Variants in SEC11A observed in about 807,000 individuals in gnomAD.
SEC11A encodes SEC11 homolog A, signal peptidase complex subunit, also known as signal peptidase complex catalytic subunit SEC11A.
A neutral mutation model predicts 25.6 loss-of-function variants in SEC11A; 14 were observed. That is an observed-to-expected ratio of 0.55 (90% CI 0.36 to 0.85). The LOEUF (loss-of-function observed/expected upper bound fraction) is 0.85. SEC11A is among the 40% of genes least tolerant of loss of function. The pLI, the probability that SEC11A is intolerant of heterozygous loss-of-function variation, is 0.01. For missense variants in SEC11A, 153 were observed against 222.9 expected (o/e 0.69, Z 2.00); for synonymous variants, 83 against 76.4 (o/e 1.09, Z -0.45).
chr15:84,711,620 C>T (rs1015094070), intron 1 of SEC11A, among the ~76,000 whole-genome samples: 2 of 151,888 alleles, frequency 1.3e-5, no homozygotes. Context: ...GAGTTCAAGA[C>T]AAGCCTGGCC....
chr15:84,701,176 A>G (rs1897929182), intron 1 of SEC11A, among the ~76,000 whole-genome samples: 1 of 151,572 alleles, frequency 6.6e-6, no homozygotes, highest in East Asian at 1.9e-4. Flanking sequence ...AAAAAAAAAA[A>G]AAAAAAGACT....
intron 1 of SEC11A, among the ~76,000 whole-genome samples, chr15:84,703,038 G>A (rs1897994204): frequency 6.6e-6 from 1 of 152,190 alleles, no homozygotes; most frequent in African/African-American, 2.4e-5. Context: ...TGGTGTGTCT[G>A]TAATGGATAG....
At chr15:84,681,461 C>T (rs1257442025) in intron 3 of SEC11A, among the ~76,000 whole-genome samples, 1 of 152,040 alleles carries the variant, frequency 6.6e-6, no homozygotes, top group East Asian at 1.9e-4. Context: ...GAAACCCTGT[C>T]TTTACTAAAA....
chr15:84,678,144 C>A (rs1367748273), intron 4 of SEC11A, among the ~76,000 whole-genome samples: 1 of 152,054 alleles, frequency 6.6e-6, no homozygotes, highest in African/African-American at 2.4e-5. Flanking sequence ...TTGCAATAAG[C>A]TGAGATTGCT....
intron 4 of SEC11A, 132 bp from the exon 5 acceptor site, chr15:84,670,914 C>T (rs956552273): frequency 4.4e-6 from 2 of 453,908 alleles, no homozygotes; most frequent in African/African-American, 4.1e-5. Context: ...ATATACTGCC[C>T]TATTTGATCC....
Position 84,704,831 on chromosome 15 carries a change from G to C in SEC11A, c.51+11194C>G, listed in dbSNP as rs1473525294. On this transcript the variant is annotated intron_variant, in intron 1 of 5. Transcript: ENST00000268220. ...GAATCTCAGGCTTGGGAGGGGTTTG[G>C]GGTAAGGTGCTTTCTTAGTTCTTTC... Among the ~76,000 whole-genome samples, 48 of 152,136 alleles carry C rather than the reference G, an allele frequency of 3.2e-4. 1 individual carries two copies. Among genetic ancestry groups the C allele is most frequent in the Admixed American group, 3.1e-3 (47 of 15,274 alleles).
At chr15:84,697,057 A>AG in intron 1 of SEC11A, among the ~76,000 whole-genome samples, 1 of 150,924 alleles carries the variant, frequency 6.6e-6, no homozygotes, top group Admixed American at 6.6e-5. Flanking sequence ...AAGAAAAAAA[A>AG]AAGTGCCAGC....
intron 1 of SEC11A, among the ~76,000 whole-genome samples, chr15:84,694,028 A>AT (rs1277599185): frequency 6.6e-6 from 1 of 151,956 alleles, no homozygotes; most frequent in Non-Finnish European, 1.5e-5. Flanking sequence ...TGTTTTTTCA[A>AT]TTTTTTCTGA....
At chr15:84,704,879 G>A (rs2141918026) in intron 1 of SEC11A, among the ~76,000 whole-genome samples, 1 of 151,924 alleles carries the variant, frequency 6.6e-6, no homozygotes, top group Admixed American at 6.6e-5. Flanking sequence ...TCCTCATCCT[G>A]GAGGATAGTA....
intron 4 of SEC11A, chr15:84,672,071 C>CA (rs1422724042): frequency 6.6e-6 from 1 of 152,568 alleles, no homozygotes; most frequent in East Asian, 1.9e-4. Flanking sequence ...GACCTTTGCA[C>CA]ACTTTAAAAC....
At chr15:84,701,992 G>T (rs185517246) in intron 1 of SEC11A, among the ~76,000 whole-genome samples, 1 of 150,260 alleles carries the variant, frequency 6.7e-6, no homozygotes, top group Non-Finnish European at 1.5e-5. Context: ...GCTTGAACCC[G>T]GGAGGCGGAG....
chr15:84,670,258 CTTTT>C (rs71132694), intron 5 of SEC11A, 189 bp from the exon 6 acceptor site: 342 of 290,622 alleles, frequency 1.2e-3, no homozygotes, highest in Non-Finnish European at 1.5e-3. Context: ...AAATAATTTT[CTTTT>C]TTTTTTTTTT....
chr15:84,680,712 CCCCCTGGCTCT>C lies in SEC11A; in HGVS notation c.421_431del (p.Arg141IlefsTer14), dbSNP rs1489233030. On this transcript the variant is annotated frameshift_variant and splice_region_variant, in exon 4 of 6. Coordinates refer to ENST00000268220, the MANE Select transcript of SEC11A (RefSeq NM_014300.4). LOFTEE classifies it high-confidence loss of function. The stretch of plus-strand genomic sequence containing the variant: ...TTTGAGATGCTCCCCTCTATACTTA[CCCCCTGGCTCT>C]CCCCACAACATCTTTTTTCTCTAGC... The C allele has an allele frequency of 1.9e-6, 3 of 1,609,428 alleles. No homozygotes were observed.
chr15:84,701,844 C>T (rs971899701), intron 1 of SEC11A, among the ~76,000 whole-genome samples: 11 of 151,930 alleles, frequency 7.2e-5, no homozygotes, highest in African/African-American at 2.2e-4. Flanking sequence ...CCAAGGTGGG[C>T]GGATCACAGG....
Position 84,669,846 on chromosome 15 carries a change from C to G in SEC11A, c.*173G>C. On this transcript the variant is annotated 3_prime_UTR_variant, in exon 6 of 6. Transcript: ENST00000268220. ...CCCCTCGAGTGCACTCTGTGGTGCA[C>G]ATGCGCCCGCCCACACAAACTCTGG... 2 of 1,196,894 alleles carry G rather than the reference C, an allele frequency of 1.7e-6. No homozygotes were observed. The highest frequency in any genetic ancestry group is 2.4e-6 in the Non-Finnish European group (2 of 847,988). 74.1% of individuals were successfully genotyped at this position (1,196,894 alleles called of 1,614,324 possible).
At chr15:84,672,911 C>A (rs1897030269) in intron 4 of SEC11A, 13 of 214,016 alleles carry the variant, frequency 6.1e-5, no homozygotes, top group South Asian at 6.0e-4. Flanking sequence ...CTCTGCCCGG[C>A]CGCGACCCTG....
chr15:84,705,518 T>G (rs1898068218), intron 1 of SEC11A, among the ~76,000 whole-genome samples: 6 of 152,040 alleles, frequency 3.9e-5, no homozygotes, highest in Admixed American at 2.6e-4. Flanking sequence ...TAGGAATGGG[T>G]GTGACTCCTC....
At chr15:84,681,904 C>A (rs1394255686) in intron 3 of SEC11A, among the ~76,000 whole-genome samples, 1 of 151,918 alleles carries the variant, frequency 6.6e-6, no homozygotes, top group African/African-American at 2.4e-5. Flanking sequence ...CATGGCAAAG[C>A]AAAAAATACA....
chr15:84,687,608 C>G lies in SEC11A; in HGVS notation c.311+17G>C, dbSNP rs759909390. ...ACAAAAGCACTTAGAAACAAAGATGCTATACTTTGCACATACTTTTCATGA... is the reference window on the plus strand; with the variant it reads ...ACAAAAGCACTTAGAAACAAAGATGGTATACTTTGCACATACTTTTCATGA... On this transcript the variant is annotated intron_variant, in intron 3 of 5. Transcript: ENST00000268220. 1 of 1,550,066 alleles carries G rather than the reference C, an allele frequency of 6.5e-7. No homozygotes were observed. Among genetic ancestry groups the G allele is most frequent in the Non-Finnish European group, 8.6e-7 (1 of 1,159,140 alleles).
Sources: allele counts gnomAD v4.1 joint callset (sites outside exome capture counted in the v4.1 genomes callset), GRCh38; gene constraint gnomAD v4.1.1; transcripts MANE v1.5; gene names NCBI Gene and HGNC (gene_info 2026-07-23, HGNC 2026-07-21).